EBF2: variants seen among roughly 807,000 people sequenced by gnomAD.
EBF2 encodes the protein transcription factor COE2.
A neutral mutation model predicts 72.8 loss-of-function variants in EBF2; 21 were observed. That is an observed-to-expected ratio of 0.29 (90% confidence interval 0.20 to 0.42). The LOEUF is 0.42. EBF2 is among the 10% of genes least tolerant of loss of function. EBF2 has a pLI of 1.00. For missense variants in EBF2, 637 were observed against 731.2 expected, an observed-to-expected ratio of 0.87 and a Z score of 1.49; for synonymous variants, 299 against 274.2, an observed-to-expected ratio of 1.09 and a Z score of -0.89.
intron 6 of EBF2, among the ~76,000 whole-genome samples, chr8:25,936,348 T>G (rs554122560): frequency 7.2e-5 from 11 of 152,312 alleles, no homozygotes; most frequent in Admixed American, 7.2e-4. Flanking sequence ...TGGGCTGCAG[T>G]TCTAAGGCAA....
chr8:25,913,891 A>G (rs1411254434), intron 6 of EBF2, among the ~76,000 whole-genome samples: 3 of 152,202 alleles, frequency 2.0e-5, no homozygotes, highest in Admixed American at 2.0e-4. Flanking sequence ...CAATAAATTA[A>G]AATACAATTG....
chr8:25,926,125 A>T (rs1803381864), intron 6 of EBF2, among the ~76,000 whole-genome samples: 1 of 152,150 alleles, frequency 6.6e-6, no homozygotes, highest in South Asian at 2.1e-4. Context: ...GAGTCCTTCT[A>T]CCGGGAAGCA....
chr8:25,886,334 T>G (rs1170374762), intron 10 of EBF2, among the ~76,000 whole-genome samples: 2 of 152,244 alleles, frequency 1.3e-5, no homozygotes, highest in Non-Finnish European at 2.9e-5. Context: ...AAATATTGAC[T>G]AATATATGAT....
chr8:25,913,536 T>C (rs1803163962), intron 6 of EBF2, among the ~76,000 whole-genome samples: 1 of 152,160 alleles, frequency 6.6e-6, no homozygotes, highest in Non-Finnish European at 1.5e-5. Context: ...CAAAATAATA[T>C]GCAAAATGCC....
At chr8:26,033,041 G>A in intron 6 of EBF2, 44 bp downstream of exon 6, 2 of 1,579,304 alleles carry the variant, frequency 1.3e-6, no homozygotes, top group Non-Finnish European at 8.7e-7. Context: ...GGTTCATGAA[G>A]AAAAGGAACC....
chr8:26,023,278 G>C (rs1805233282), intron 6 of EBF2, among the ~76,000 whole-genome samples: 1 of 152,204 alleles, frequency 6.6e-6, no homozygotes, highest in Non-Finnish European at 1.5e-5. Flanking sequence ...AGTTTGCAAA[G>C]AGATGTCTTT....
At chr8:25,931,014 G>C (rs923885062) in intron 6 of EBF2, among the ~76,000 whole-genome samples, 2 of 152,102 alleles carry the variant, frequency 1.3e-5, no homozygotes, top group Admixed American at 6.6e-5. Context: ...GAGTTGAAGC[G>C]AATGAAACTT....
At chr8:26,003,178 T>C (rs948220805) in intron 6 of EBF2, among the ~76,000 whole-genome samples, 1 of 152,098 alleles carries the variant, frequency 6.6e-6, no homozygotes, top group African/African-American at 2.4e-5. Flanking sequence ...TTGGGTAACA[T>C]TGGACTGGGA....
chr8:26,002,888 G>A (rs57747620), intron 6 of EBF2, among the ~76,000 whole-genome samples: 58 of 81,494 alleles, frequency 7.1e-4, no homozygotes, highest in South Asian at 3.8e-3. Flanking sequence ...GCGGGCAGGC[G>A]GGCAGGCAGG....
intron 6 of EBF2, among the ~76,000 whole-genome samples, chr8:26,003,012 T>A (rs1585222877): frequency 6.6e-6 from 1 of 151,828 alleles, no homozygotes; most frequent in East Asian, 1.9e-4. Flanking sequence ...CTGGGGAAGG[T>A]CTCATCCCTG....
chr8:25,972,958 C>T (rs1373203313), intron 6 of EBF2, among the ~76,000 whole-genome samples: 1 of 143,914 alleles, frequency 6.9e-6, no homozygotes, highest in Non-Finnish European at 1.5e-5. Context: ...CTCTCCCCAA[C>T]TCCCACCCAC....
Position 25,842,979 on chromosome 8 carries a change from C to T in EBF2, c.*1630G>A, listed in dbSNP as rs1275388757. On this transcript the variant is annotated 3_prime_UTR_variant, in exon 16 of 16. Coordinates refer to ENST00000520164, the MANE Select transcript of EBF2 (RefSeq NM_022659.4). ...CATGAGTCAATAAGGAGAACCCCAACGTGGAAACAAGTGACATCTTTATTG... is the reference window on the plus strand; with the variant it reads ...CATGAGTCAATAAGGAGAACCCCAATGTGGAAACAAGTGACATCTTTATTG... The T allele has an allele frequency of 1.3e-5, 2 of 152,140 alleles. No homozygotes were observed. The highest frequency in any genetic ancestry group is 2.1e-4 in the South Asian group (1 of 4,826). The allele number at this position is 152,140 out of a possible 1,614,324, so 9.4% of individuals were successfully genotyped here.
intron 6 of EBF2, among the ~76,000 whole-genome samples, chr8:26,005,459 A>T (rs192793561): frequency 0.18 from 10,934 of 60,128 alleles, 1,574 homozygotes; most frequent in Non-Finnish European, 0.23. Flanking sequence ...TATATTATAT[A>T]TTATAAAATA....
At chr8:25,966,150 C>T (rs924909850) in intron 6 of EBF2, among the ~76,000 whole-genome samples, 11 of 152,230 alleles carry the variant, frequency 7.2e-5, no homozygotes, top group Non-Finnish European at 1.2e-4. Flanking sequence ...GGCTTTTGCT[C>T]AAGGCCTGAG....
intron 7 of EBF2, among the ~76,000 whole-genome samples, chr8:25,895,211 C>A (rs1339165054): frequency 2.0e-5 from 3 of 152,192 alleles, no homozygotes; most frequent in Non-Finnish European, 1.5e-5. Context: ...CTCTCCTCAA[C>A]TGATATATTG....
At chr8:25,951,124 C>G (rs1319030724) in intron 6 of EBF2, among the ~76,000 whole-genome samples, 1 of 152,122 alleles carries the variant, frequency 6.6e-6, no homozygotes, top group African/African-American at 2.4e-5. Context: ...TTTTTCCAGG[C>G]AATTAAATTA....
rs116938239 is a variant in EBF2, at chr8:25,844,672, T to C, written c.1697-32A>G. The C allele has an allele frequency of 6.5e-4, 1,054 of 1,613,658 alleles. 23 individuals are homozygous for C. The East Asian group carries it at 0.023, about 36-fold the overall frequency. On this transcript the variant is annotated intron_variant, in intron 15 of 15. Transcript: ENST00000520164. ...GGAAAGAGTGGCACAGGAATGAGACTTGGGGACTTTTTATGTTCAAGGCTA... is the reference window on the plus strand; with the variant it reads ...GGAAAGAGTGGCACAGGAATGAGACCTGGGGACTTTTTATGTTCAAGGCTA...
intron 13 of EBF2, among the ~76,000 whole-genome samples, chr8:25,859,173 A>G (rs1046881131): frequency 6.6e-6 from 1 of 152,216 alleles, no homozygotes; most frequent in Non-Finnish European, 1.5e-5. Flanking sequence ...TCTGTGGTCA[A>G]GTTAGGCTGG....
chr8:26,017,145 C>T (rs529702439), intron 6 of EBF2, among the ~76,000 whole-genome samples: 105 of 143,624 alleles, frequency 7.3e-4, no homozygotes, highest in African/African-American at 2.7e-3. Flanking sequence ...GCCATGCAGT[C>T]CCCTTATTTA....
Sources: allele counts gnomAD v4.1 joint callset (sites outside exome capture counted in the v4.1 genomes callset), GRCh38; gene constraint gnomAD v4.1.1; transcripts MANE v1.5; gene names NCBI Gene and HGNC (gene_info 2026-07-23, HGNC 2026-07-21).